The following MAP4K4 variants were observed in gnomAD, a reference collection of about 807,000 sequenced individuals.
MAP4K4 encodes mitogen-activated protein kinase kinase kinase kinase 4.
MAP4K4 carries 38 observed loss-of-function variants against 189.6 expected under a neutral mutation model. The observed-to-expected ratio is 0.20, with a 90% CI of 0.15 to 0.26. MAP4K4 has a LOEUF of 0.26. MAP4K4 is among the 10% of genes least tolerant of loss of function. MAP4K4 has a pLI of 1.00. For synonymous variants in MAP4K4, 610 were observed against 624.3 expected (o/e 0.98, Z 0.34); for missense variants, 1,054 against 1,726.9 (o/e 0.61, Z 6.91).
At chr2:101,710,616 AAC>A (rs1002095086) in intron 2 of MAP4K4, among the ~76,000 whole-genome samples, 2 of 152,234 alleles carry the variant, frequency 1.3e-5, no homozygotes, top group African/African-American at 4.8e-5. Flanking sequence ...GCAGAAAATG[AAC>A]ACACAGTTAA....
chr2:101,736,722 A>G (rs1461751871), intron 2 of MAP4K4, among the ~76,000 whole-genome samples: 1 of 152,102 alleles, frequency 6.6e-6, no homozygotes, highest in Admixed American at 6.6e-5. Context: ...ACTTTGTAAC[A>G]CCCCTCACTG....
At chr2:101,779,237 G>C (rs1197746450) in intron 2 of MAP4K4, among the ~76,000 whole-genome samples, 1 of 152,104 alleles carries the variant, frequency 6.6e-6, no homozygotes, top group African/African-American at 2.4e-5. Flanking sequence ...CTGAAAAATA[G>C]AGGGAAGCAT....
At chr2:101,700,021 C>T (rs2037398441) in intron 2 of MAP4K4, among the ~76,000 whole-genome samples, 1 of 152,124 alleles carries the variant, frequency 6.6e-6, no homozygotes, top group Admixed American at 6.6e-5. Flanking sequence ...TTTTTTCTAA[C>T]CCAGTTTTTT....
chr2:101,880,221 T>A (rs181476906), intron 27 of MAP4K4, among the ~76,000 whole-genome samples: 2 of 152,330 alleles, frequency 1.3e-5, no homozygotes, highest in Non-Finnish European at 2.9e-5. Context: ...AGTTTTTTCT[T>A]TCATGAATTG....
chr2:101,723,282 C>T (rs1176172561), intron 2 of MAP4K4, among the ~76,000 whole-genome samples: 2 of 152,174 alleles, frequency 1.3e-5, no homozygotes, highest in Non-Finnish European at 2.9e-5. Flanking sequence ...GGATGTTCCC[C>T]TCCTTTTTGC....
rs989509213 is a variant in MAP4K4 at position 101,834,553 on chromosome 2, A to T, written c.694+90A>T. The stretch of plus-strand genomic sequence containing the variant: ...CAAAAAGAACAGCTCAGCTCCATGG[A>T]TAAAGGCATTTCTGGTGGACTGTTT... On this transcript the variant is annotated intron_variant, in intron 8 of 32. Coordinates refer to ENST00000324219, the Ensembl canonical transcript of MAP4K4. 302 of 976,676 alleles carry T rather than the reference A, an allele frequency of 3.1e-4. 1 individual carries two copies. The highest frequency in any genetic ancestry group is 7.1e-4 in the Admixed American group (33 of 46,634). The allele number at this position is 976,676 out of a possible 1,614,324, so 60.5% of individuals were successfully genotyped here. A position where few individuals can be genotyped will look rare whatever the true frequency, so the allele number is the denominator to read the frequency against.
At chr2:101,864,241 G>A (rs2097755620) in intron 17 of MAP4K4, among the ~76,000 whole-genome samples, 190 bp downstream of exon 17, 1 of 152,164 alleles carries the variant, frequency 6.6e-6, no homozygotes, top group Admixed American at 6.5e-5. Flanking sequence ...TGGTCAGTTA[G>A]CGTTTTATTT....
exon 33 of MAP4K4, chr2:101,892,216 CATT>C (rs1363593360): frequency 6.6e-6 from 1 of 152,088 alleles, no homozygotes; most frequent in Admixed American, 6.6e-5. Flanking sequence ...TTGCCTACCT[CATT>C]GTTCTTAATG....
chr2:101,870,490 C>CA (rs1160789873), intron 23 of MAP4K4, 75 bp downstream of exon 23: 2 of 1,565,474 alleles, frequency 1.3e-6, no homozygotes, highest in African/African-American at 2.7e-5. Context: ...TTCACTCACT[C>CA]ATGCTGTTTC....
intron 2 of MAP4K4, among the ~76,000 whole-genome samples, chr2:101,715,874 G>A (rs946031952): frequency 6.6e-6 from 1 of 152,146 alleles, no homozygotes; most frequent in African/African-American, 2.4e-5. Context: ...CCCATTGGTT[G>A]CATTACTGCC....
At chr2:101,770,360 T>G (rs975323764) in intron 2 of MAP4K4, among the ~76,000 whole-genome samples, 2 of 150,776 alleles carry the variant, frequency 1.3e-5, no homozygotes, top group Admixed American at 6.7e-5. Flanking sequence ...GTGATTCTCC[T>G]GCCTCAGCCT....
At chr2:101,721,375 A>G (rs553856032) in intron 2 of MAP4K4, among the ~76,000 whole-genome samples, 2 of 152,212 alleles carry the variant, frequency 1.3e-5, no homozygotes, top group East Asian at 3.9e-4. Context: ...TGGGCAGGAC[A>G]AGAAAGAGCC....
At chr2:101,817,559 C>A (rs552742276) in intron 3 of MAP4K4, among the ~76,000 whole-genome samples, 4 of 152,268 alleles carry the variant, frequency 2.6e-5, no homozygotes, top group Non-Finnish European at 5.9e-5. Flanking sequence ...TTTTTAGATA[C>A]CAGCTGAGTA....
intron 15 of MAP4K4, chr2:101,860,339 G>A (rs180977560): frequency 2.9e-4 from 59 of 204,340 alleles, no homozygotes; most frequent in African/African-American, 1.2e-3. Flanking sequence ...CAAGATGGGC[G>A]ACAGGTGTGC....
intron 12 of MAP4K4, among the ~76,000 whole-genome samples, chr2:101,852,707 T>A (rs564207586): frequency 6.6e-6 from 1 of 152,224 alleles, no homozygotes; most frequent in South Asian, 2.1e-4. Context: ...TATGTACATA[T>A]ATACAGAGAG....
chr2:101,750,439 T>G (rs1234357691), intron 2 of MAP4K4, among the ~76,000 whole-genome samples: 1 of 146,398 alleles, frequency 6.8e-6, no homozygotes, highest in Admixed American at 6.9e-5. Context: ...ATATTCTCAC[T>G]CATAGGTGGG....
intron 2 of MAP4K4, among the ~76,000 whole-genome samples, chr2:101,712,052 G>T (rs2045899846): frequency 6.9e-6 from 1 of 145,592 alleles, no homozygotes; most frequent in South Asian, 2.2e-4. Context: ...TTGTTTTATA[G>T]GTTGCTTTAG....
At chr2:101,816,692 G>T (rs761966814) in intron 3 of MAP4K4, among the ~76,000 whole-genome samples, 6 of 152,220 alleles carry the variant, frequency 3.9e-5, no homozygotes, top group Non-Finnish European at 5.9e-5. Flanking sequence ...ATACTAAGAA[G>T]TTGAGGGTCT....
intron 2 of MAP4K4, among the ~76,000 whole-genome samples, chr2:101,784,266 G>GTGTGTGTGTGTGTGTGTGTGTGTA (rs2089405958): frequency 1.5e-5 from 1 of 67,762 alleles, no homozygotes; most frequent in Non-Finnish European, 2.9e-5. Flanking sequence ...TGCTCTTCGT[G>GTGTGTGTGTGTGTGTGTGTGTGTA]TGTGTGTGTG....
Sources: allele counts gnomAD v4.1 joint callset (sites outside exome capture counted in the v4.1 genomes callset), GRCh38; gene constraint gnomAD v4.1.1; transcripts MANE v1.5; gene names NCBI Gene and HGNC (gene_info 2026-07-23, HGNC 2026-07-21).